The following PDE1A variants were observed in gnomAD, a reference collection of about 807,000 sequenced individuals.
The protein encoded by PDE1A is phosphodiesterase 1A, also known as dual specificity calcium/calmodulin-dependent 3',5'-cyclic nucleotide phosphodiesterase 1A.
A neutral mutation model predicts 61.7 loss-of-function variants in PDE1A; 35 were observed. The ratio of observed to expected loss-of-function variants is 0.57; its 90% CI spans 0.43 to 0.75. The LOEUF is 0.75. Ranked by LOEUF, PDE1A falls within the 30% of genes least tolerant of loss-of-function variation. The pLI, the probability that PDE1A is intolerant of heterozygous loss-of-function variation, is 0.00. For synonymous variants in PDE1A, 232 were observed against 213.2 expected (o/e 1.09, Z -0.77); for missense variants, 597 against 630.6 (o/e 0.95, Z 0.57).
chr2:182,165,339 A>C (rs747891838), downstream of PDE1A, among the ~76,000 whole-genome samples: 8 of 152,224 alleles, frequency 5.3e-5, no homozygotes, highest in Admixed American at 2.0e-4. Context: ...AAATGATTCA[A>C]CTGAACTGGG....
At chr2:182,391,842 G>T (rs528513047) in intron 1 of PDE1A, among the ~76,000 whole-genome samples, 1 of 152,284 alleles carries the variant, frequency 6.6e-6, no homozygotes, top group East Asian at 1.9e-4. Context: ...AAATTGATCG[G>T]AGGCCTGCTG....
At chr2:182,338,897 C>T (rs1361398414) in intron 1 of PDE1A, among the ~76,000 whole-genome samples, 1 of 152,142 alleles carries the variant, frequency 6.6e-6, no homozygotes, top group African/African-American at 2.4e-5. Flanking sequence ...TGCCTGACTG[C>T]ACCCAATAGT....
chr2:182,209,075 G>A (rs1190766538), intron 7 of PDE1A, among the ~76,000 whole-genome samples: 4 of 152,126 alleles, frequency 2.6e-5, no homozygotes. Flanking sequence ...GGAGGGGCCA[G>A]AAGTGGAATA....
chr2:182,668,739 C>T, the PDE1A span, among the ~76,000 whole-genome samples: 2 of 152,296 alleles, frequency 1.3e-5, no homozygotes, highest in East Asian at 1.9e-4. Flanking sequence ...GCTGCCCCAA[C>T]GCATACAGCT....
chr2:182,168,415 G>A, intron 13 of PDE1A: 1 of 837,442 alleles, frequency 1.2e-6, no homozygotes. Flanking sequence ...GTAAAATTAT[G>A]AAGAGAAACA....
At chr2:182,515,632 A>C (rs539367497) in intron 2 of PDE1A, among the ~76,000 whole-genome samples, 4 of 152,344 alleles carry the variant, frequency 2.6e-5, no homozygotes, top group Non-Finnish European at 2.9e-5. Context: ...TTTCTTCAAA[A>C]CAAATTATGA....
chr2:182,473,306 C>G (rs1687149421), intron 2 of PDE1A, among the ~76,000 whole-genome samples: 2 of 151,858 alleles, frequency 1.3e-5, no homozygotes, highest in African/African-American at 4.8e-5. Context: ...AGAGCTTCTG[C>G]ACAGCAAAAG....
At chr2:182,273,562 A>G (rs901744426) in intron 1 of PDE1A, among the ~76,000 whole-genome samples, 39 of 152,218 alleles carry the variant, frequency 2.6e-4, no homozygotes, top group African/African-American at 8.4e-4. Flanking sequence ...TGAGGTAGAC[A>G]TAAAGAAGAA....
intron 1 of PDE1A, among the ~76,000 whole-genome samples, chr2:182,267,533 C>A (rs1204875077): frequency 1.3e-5 from 2 of 151,870 alleles, no homozygotes; most frequent in Non-Finnish European, 2.9e-5. Flanking sequence ...CTCGTTTTTT[C>A]TCCTTTGCTT....
the PDE1A span, among the ~76,000 whole-genome samples, chr2:182,549,044 T>C: frequency 6.6e-6 from 1 of 152,210 alleles, no homozygotes; most frequent in African/African-American, 2.4e-5. Flanking sequence ...AAGAAATTAA[T>C]ATTTATAAAC....
intron 1 of PDE1A, among the ~76,000 whole-genome samples, chr2:182,362,266 C>G (rs201635388): frequency 1.1e-4 from 16 of 151,988 alleles, no homozygotes; most frequent in African/African-American, 3.9e-4. Flanking sequence ...GTCCCCCAGG[C>G]CTTTTTGTTG....
chr2:182,475,411 T>C (rs1574749272), intron 2 of PDE1A, among the ~76,000 whole-genome samples: 1 of 152,048 alleles, frequency 6.6e-6, no homozygotes, highest in South Asian at 2.1e-4. Context: ...AAATCAGACA[T>C]TGTGTTTTAT....
the PDE1A span, among the ~76,000 whole-genome samples, chr2:182,668,731 T>C: frequency 6.6e-6 from 1 of 152,164 alleles, no homozygotes; most frequent in Non-Finnish European, 1.5e-5. Context: ...CGGCTCCTGC[T>C]GCCCCAACGC....
chr2:182,603,147 CA>C, the PDE1A span, among the ~76,000 whole-genome samples: 2 of 152,140 alleles, frequency 1.3e-5, no homozygotes, highest in South Asian at 4.1e-4. Context: ...CATAGAATGA[CA>C]AAAGTCCTGG....
the PDE1A span, among the ~76,000 whole-genome samples, chr2:182,636,517 T>C: frequency 6.6e-6 from 1 of 152,216 alleles, no homozygotes; most frequent in African/African-American, 2.4e-5. Flanking sequence ...CCAGTTTCCC[T>C]TCATCATGTA....
chr2:182,465,601 T>C (rs981810610), intron 2 of PDE1A, among the ~76,000 whole-genome samples: 3 of 152,104 alleles, frequency 2.0e-5, no homozygotes, highest in Non-Finnish European at 4.4e-5. Flanking sequence ...AGTAGCACTA[T>C]CTAAATTACT....
At chr2:182,431,121 T>TAAAAAAAAAAAAAAAAAAAAAAAAACATA (rs538631665), upstream of PDE1A, among the ~76,000 whole-genome samples, 1 of 121,518 alleles carries the variant, frequency 8.2e-6, no homozygotes, top group African/African-American at 3.1e-5. Context: ...AAAAAAACAT[T>TAAAAAAAAAAAAAAAAAAAAAAAAACATA]AAAAAAAAAA....
intron 1 of PDE1A, among the ~76,000 whole-genome samples, chr2:182,364,155 C>T (rs1699675254): frequency 6.6e-6 from 1 of 151,870 alleles, no homozygotes; most frequent in East Asian, 1.9e-4. Context: ...AAGTACCTTC[C>T]TTCCCTGAGT....
chr2:182,609,665 T>C, the PDE1A span, among the ~76,000 whole-genome samples: 1 of 152,220 alleles, frequency 6.6e-6, no homozygotes, highest in Admixed American at 6.5e-5. Flanking sequence ...CTGGACACAC[T>C]GCCTTTAAGA....
Sources: gnomAD v4.1 joint callset for allele counts (sites outside exome capture counted in the v4.1 genomes callset) on GRCh38, gnomAD v4.1.1 for gene constraint, MANE v1.5 for transcripts, NCBI Gene and HGNC (gene_info 2026-07-23, HGNC 2026-07-21) for gene names.